NDUFS4: variants seen among roughly 807,000 people sequenced by gnomAD.
NDUFS4 encodes the protein NADH dehydrogenase [ubiquinone] iron-sulfur protein 4, mitochondrial.
Under a neutral mutation model 24.3 loss-of-function variants are expected in NDUFS4, and 28 were observed. That is an observed-to-expected ratio of 1.15 (90% CI 0.85 to 1.58). NDUFS4 has a LOEUF of 1.58. Ranked by LOEUF, NDUFS4 falls within the 40% of genes most tolerant of loss-of-function variation. The pLI, the probability that NDUFS4 is intolerant of heterozygous loss-of-function variation, is 0.00. For missense variants in NDUFS4, 223 were observed against 207.9 expected, an observed-to-expected ratio of 1.07 and a Z score of -0.45; for synonymous variants, 93 against 69.7, an observed-to-expected ratio of 1.34 and a Z score of -1.67.
chr5:53,659,652 ATT>A (rs1235415146), intron 4 of NDUFS4, among the ~76,000 whole-genome samples: 5 of 152,170 alleles, frequency 3.3e-5, no homozygotes, highest in Non-Finnish European at 7.4e-5. Flanking sequence ...CTCAAATTGA[ATT>A]TGTCTCTTTA....
intron 1 of NDUFS4, among the ~76,000 whole-genome samples, chr5:53,588,299 G>A (rs1749835364): frequency 1.3e-5 from 2 of 152,124 alleles, no homozygotes; most frequent in African/African-American, 4.8e-5. Flanking sequence ...TTCCTCTCTT[G>A]CCTTCCTATG....
At chr5:53,672,245 A>G (rs758736503) in intron 4 of NDUFS4, among the ~76,000 whole-genome samples, 1 of 152,046 alleles carries the variant, frequency 6.6e-6, no homozygotes, top group Non-Finnish European at 1.5e-5. Flanking sequence ...AAAAAAAAAA[A>G]CTTTCAAAAC....
At chr5:53,609,707 C>G (rs888537513) in intron 2 of NDUFS4, among the ~76,000 whole-genome samples, 2 of 152,128 alleles carry the variant, frequency 1.3e-5, no homozygotes, top group Admixed American at 1.3e-4. Context: ...TTTAGTATAG[C>G]CACCTTTATC....
Position 53,592,719 on chromosome 5 carries a change from T to G in NDUFS4, c.99-10733T>G, listed in dbSNP as rs528410288. 5.9e-5 allele frequency among the ~76,000 whole-genome samples: 9 copies of G among 152,328 alleles called. 1 individual carries two copies. In the South Asian group the frequency reaches 1.9e-3, roughly 32 times the overall value. On this transcript the variant is annotated intron_variant, in intron 1 of 4. Transcript: ENST00000296684. ...CTATATTTGAATAGTCTATTTCTGT[T>G]CCATTCATCTATTTATTTTATAGCT...
intron 2 of NDUFS4, among the ~76,000 whole-genome samples, chr5:53,622,908 A>G (rs2607477): frequency 0.2 from 31,045 of 151,984 alleles, 3,694 homozygotes; most frequent in East Asian, 0.46. Context: ...CCTGTTCCTC[A>G]TAACCTCTAT....
At chr5:53,660,209 C>T (rs1018650526) in intron 4 of NDUFS4, among the ~76,000 whole-genome samples, 2 of 145,274 alleles carry the variant, frequency 1.4e-5, no homozygotes, top group Admixed American at 7.2e-5. Flanking sequence ...CGTGTGTTCT[C>T]ATTGTTCAAT....
chr5:53,561,557 C>T (rs1233180915), intron 1 of NDUFS4, among the ~76,000 whole-genome samples: 4 of 148,152 alleles, frequency 2.7e-5, no homozygotes, highest in Non-Finnish European at 3.0e-5. Flanking sequence ...TTCTATTTTT[C>T]AGAATTTCCT....
chr5:53,565,898 G>C (rs1749006029), intron 1 of NDUFS4, among the ~76,000 whole-genome samples: 1 of 152,240 alleles, frequency 6.6e-6, no homozygotes, highest in Non-Finnish European at 1.5e-5. Context: ...ATACGGCCGG[G>C]TGCGGTGGCT....
At chr5:53,635,011 G>C (rs1236180578) in intron 2 of NDUFS4, among the ~76,000 whole-genome samples, 1 of 151,902 alleles carries the variant, frequency 6.6e-6, no homozygotes, top group Non-Finnish European at 1.5e-5. Flanking sequence ...CCAACATGGT[G>C]AAACCCCATC....
At chr5:53,628,357 C>G (rs757195063) in intron 2 of NDUFS4, among the ~76,000 whole-genome samples, 6 of 152,024 alleles carry the variant, frequency 3.9e-5, no homozygotes, top group East Asian at 3.9e-4. Flanking sequence ...TTTGTTGTGT[C>G]TCTGCCAGTT....
In NDUFS4 at chr5:53,662,379, T is replaced by G. The variant is rs571734795; in HGVS notation, c.424+3755T>G. 3.4e-4 allele frequency among the ~76,000 whole-genome samples: 52 copies of G among 152,348 alleles called. No individual in the cohort carries two copies. In the East Asian group the frequency reaches 9.6e-3, roughly 28 times the overall value. ...ATGGTGGATAAGCTTTTTGATGTGC[T>G]GCTGGATTCGGTTTGCCAGTATTTT... On this transcript the variant is annotated intron_variant, in intron 4 of 4. Coordinates refer to ENST00000296684, the MANE Select transcript of NDUFS4 (RefSeq NM_002495.4).
chr5:53,653,534 A>C (rs983901054), intron 3 of NDUFS4, among the ~76,000 whole-genome samples: 3 of 152,142 alleles, frequency 2.0e-5, no homozygotes, highest in African/African-American at 7.2e-5. Flanking sequence ...CTTTTGAACA[A>C]GTAAATGACT....
chr5:53,591,901 T>C (rs1229043959), intron 1 of NDUFS4, among the ~76,000 whole-genome samples: 1 of 152,144 alleles, frequency 6.6e-6, no homozygotes, highest in African/African-American at 2.4e-5. Context: ...TTGCCCACTT[T>C]TCAGTTGGGT....
intron 2 of NDUFS4, among the ~76,000 whole-genome samples, chr5:53,617,463 G>A (rs760037692): frequency 3.3e-5 from 5 of 151,122 alleles, no homozygotes; most frequent in Non-Finnish European, 7.4e-5. Context: ...CTTCCCTTCT[G>A]TCTCTCTCTA....
chr5:53,611,618 A>T (rs1157578283), intron 2 of NDUFS4, among the ~76,000 whole-genome samples: 1 of 151,924 alleles, frequency 6.6e-6, no homozygotes, highest in East Asian at 1.9e-4. Context: ...CTGTACCATT[A>T]TTTCCTAATA....
At chr5:53,569,630 G>A (rs558847909) in intron 1 of NDUFS4, among the ~76,000 whole-genome samples, 3 of 152,172 alleles carry the variant, frequency 2.0e-5, no homozygotes, top group East Asian at 3.9e-4. Context: ...CACACTATAC[G>A]TTTAGACTTA....
chr5:53,666,694 G>A (rs1307975534), intron 4 of NDUFS4, among the ~76,000 whole-genome samples: 1 of 152,150 alleles, frequency 6.6e-6, no homozygotes, highest in South Asian at 2.1e-4. Context: ...CCAGTGCTTT[G>A]GGAGGTTGAG....
At chr5:53,636,220 G>A (rs1459384564) in intron 2 of NDUFS4, among the ~76,000 whole-genome samples, 1 of 152,130 alleles carries the variant, frequency 6.6e-6, no homozygotes, top group Non-Finnish European at 1.5e-5. Context: ...ACAGGCAGTG[G>A]CAGTCTGATA....
At chr5:53,628,141 T>C (rs1239298531) in intron 2 of NDUFS4, among the ~76,000 whole-genome samples, 1 of 152,226 alleles carries the variant, frequency 6.6e-6, no homozygotes, top group Non-Finnish European at 1.5e-5. Flanking sequence ...GAGATAATCA[T>C]GTGGTTTTTG....
Sources: gnomAD v4.1 joint callset for allele counts (sites outside exome capture counted in the v4.1 genomes callset) on GRCh38, gnomAD v4.1.1 for gene constraint, MANE v1.5 for transcripts, NCBI Gene and HGNC (gene_info 2026-07-23, HGNC 2026-07-21) for gene names.